PDE4B: variants seen among roughly 807,000 people sequenced by gnomAD.
The protein encoded by PDE4B is phosphodiesterase 4B.
A neutral mutation model predicts 82.2 loss-of-function variants in PDE4B; 20 were observed. The ratio of observed to expected loss-of-function variants is 0.24; its 90% CI spans 0.17 to 0.35. PDE4B has a LOEUF of 0.35. Among genes scored for constraint, PDE4B ranks in the 10% least tolerant of loss-of-function variants. The pLI is 1.00. For missense variants in PDE4B, 655 were observed against 907.2 expected (o/e 0.72, Z 3.57); for synonymous variants, 320 against 318.9 (o/e 1.00, Z -0.04).
intron 3 of PDE4B, among the ~76,000 whole-genome samples, chr1:66,016,354 G>C (rs939791431): frequency 6.6e-6 from 1 of 152,114 alleles, no homozygotes; most frequent in Non-Finnish European, 1.5e-5. Flanking sequence ...TCATTTGTTT[G>C]ATAAATATAT....
At chr1:66,214,050 A>G (rs1650265451) in intron 3 of PDE4B, among the ~76,000 whole-genome samples, 1 of 152,188 alleles carries the variant, frequency 6.6e-6, no homozygotes, top group South Asian at 2.1e-4. Flanking sequence ...CAAAAAGATG[A>G]GACATCAGGC....
intron 1 of PDE4B, among the ~76,000 whole-genome samples, chr1:65,906,416 T>C (rs1647028889): frequency 6.6e-6 from 1 of 152,156 alleles, no homozygotes; most frequent in African/African-American, 2.4e-5. Flanking sequence ...ATTTTTTTGT[T>C]CTTTTCCTTT....
chr1:66,231,850 C>A (rs936508458), intron 3 of PDE4B, among the ~76,000 whole-genome samples: 1 of 152,138 alleles, frequency 6.6e-6, no homozygotes, highest in Non-Finnish European at 1.5e-5. Context: ...AAGCCTATCA[C>A]GGTGATTCAG....
intron 3 of PDE4B, among the ~76,000 whole-genome samples, chr1:66,068,628 A>G (rs1442126096): frequency 1.3e-5 from 2 of 151,986 alleles, no homozygotes; most frequent in Non-Finnish European, 2.9e-5. Flanking sequence ...ACTTTGAACA[A>G]TTGCAGATGA....
At chr1:65,948,047 C>A (rs887364948) in intron 3 of PDE4B, among the ~76,000 whole-genome samples, 2 of 149,404 alleles carry the variant, frequency 1.3e-5, no homozygotes, top group South Asian at 2.1e-4. Context: ...TCATTATCCT[C>A]GTGGAAGTGT....
intron 1 of PDE4B, among the ~76,000 whole-genome samples, chr1:65,878,737 C>G (rs953000096): frequency 1.3e-5 from 2 of 151,394 alleles, no homozygotes; most frequent in African/African-American, 2.4e-5. Flanking sequence ...GTTGGGGAGT[C>G]GGGGGAAAGG....
chr1:66,153,543 A>G (rs1646444513), intron 3 of PDE4B, among the ~76,000 whole-genome samples: 1 of 152,020 alleles, frequency 6.6e-6, no homozygotes, highest in Non-Finnish European at 1.5e-5. Context: ...AAGGGTATAG[A>G]GCTTCCATTC....
Position 66,108,649 on chromosome 1 carries a change from C to T in PDE4B, c.282-138811C>T, listed in dbSNP as rs77837181. 7.7e-3 allele frequency among the ~76,000 whole-genome samples: 1,148 copies of T among 150,038 alleles called. 10 individuals are homozygous for T. The highest frequency in any genetic ancestry group is 0.014 in the Non-Finnish European group (913 of 67,490). ...TGGGCAAAGGACTTGAAAAGACATA[C>T]GAATGGCCAACAGGTTCATGAAAAA... On this transcript the variant is annotated intron_variant, in intron 3 of 16. Coordinates refer to ENST00000341517, the MANE Select transcript of PDE4B (RefSeq NM_002600.4).
rs191046606 is a variant in PDE4B, at chr1:65,887,459, C to T, written c.-70-25786C>T. 3.2e-5 allele frequency among the ~76,000 whole-genome samples: 3 copies of T among 93,000 alleles called. No homozygotes were observed. The East Asian group carries it at 9.9e-4, about 31-fold the overall frequency. The allele number at this position is 93,000 out of a possible 152,430, so 61.0% of individuals were successfully genotyped here. A position where few individuals can be genotyped will look rare whatever the true frequency, so the allele number is the denominator to read the frequency against. On this transcript the variant is annotated intron_variant, in intron 1 of 16. Transcript: ENST00000341517. ...TTTTTACAGGGTCTCACTCTTTCAC[C>T]CTGGCTGGAGTACAGTGGTGCAATC...
rs1004693993 is a variant in PDE4B at position 66,041,764 on chromosome 1, G to C, written c.281+122929G>C. Among the ~76,000 whole-genome samples the C allele has an allele frequency of 2.0e-5, 3 of 150,644 alleles. No individual in the cohort carries two copies. In the Admixed American group the frequency reaches 2.0e-4, roughly 10 times the overall value. ...TCTCTTTCTGGGTCATGAATAACTT[G>C]AGGAGGAAGAATCTATTTTACTTTT... is the stretch of plus-strand genomic sequence containing the variant. On this transcript the variant is annotated intron_variant, in intron 3 of 16. Transcript: ENST00000341517.
chr1:65,941,961 C>T (rs1347518116), intron 3 of PDE4B, among the ~76,000 whole-genome samples: 1 of 152,104 alleles, frequency 6.6e-6, no homozygotes, highest in Non-Finnish European at 1.5e-5. Flanking sequence ...TCTCTGCTTC[C>T]ACTTTGTCCC....
intron 3 of PDE4B, among the ~76,000 whole-genome samples, chr1:66,053,713 G>T (rs760061858): frequency 6.6e-6 from 1 of 152,074 alleles, no homozygotes; most frequent in Non-Finnish European, 1.5e-5. Flanking sequence ...CAAAAAATTG[G>T]CCGGGGGTGG....
chr1:66,293,587 T>A (rs958095922), intron 7 of PDE4B, among the ~76,000 whole-genome samples: 1 of 152,178 alleles, frequency 6.6e-6, no homozygotes, highest in Admixed American at 6.5e-5. Flanking sequence ...CATCAGTGAT[T>A]CCCAAGTTAG....
At chr1:66,304,337 G>A (rs900155535) in intron 7 of PDE4B, among the ~76,000 whole-genome samples, 1 of 152,010 alleles carries the variant, frequency 6.6e-6, no homozygotes, top group African/African-American at 2.4e-5. Context: ...ACTAAGAAGT[G>A]GACCACCATG....
intron 3 of PDE4B, among the ~76,000 whole-genome samples, chr1:66,051,617 T>C (rs1655033091): frequency 6.6e-6 from 1 of 152,124 alleles, no homozygotes; most frequent in African/African-American, 2.4e-5. Flanking sequence ...TATAATTAGA[T>C]GACAGTTTAC....
chr1:65,999,275 C>G (rs7548579), intron 3 of PDE4B, among the ~76,000 whole-genome samples: 25,390 of 152,172 alleles, frequency 0.17, 2,765 homozygotes, highest in Non-Finnish European at 0.24. Context: ...TGTCAATGCA[C>G]TTGCAACATT....
At chr1:66,088,290 A>G (rs1323263163) in intron 3 of PDE4B, among the ~76,000 whole-genome samples, 1 of 152,008 alleles carries the variant, frequency 6.6e-6, no homozygotes, top group African/African-American at 2.4e-5. Context: ...AAGGACAGGA[A>G]GTTAGTAAGT....
At chr1:65,971,677 A>G (rs1650147990) in intron 3 of PDE4B, among the ~76,000 whole-genome samples, 1 of 152,218 alleles carries the variant, frequency 6.6e-6, no homozygotes, top group Non-Finnish European at 1.5e-5. Flanking sequence ...CCGAAGTAGA[A>G]TATGATAGTC....
chr1:66,117,692 C>A (rs929046481), intron 3 of PDE4B, among the ~76,000 whole-genome samples: 16 of 152,154 alleles, frequency 1.1e-4, no homozygotes, highest in African/African-American at 3.9e-4. Context: ...GGGATCCTGG[C>A]AGTCCACGGA....
Sources: gnomAD v4.1 joint callset for allele counts (sites outside exome capture counted in the v4.1 genomes callset) on GRCh38, gnomAD v4.1.1 for gene constraint, MANE v1.5 for transcripts, NCBI Gene and HGNC (gene_info 2026-07-23, HGNC 2026-07-21) for gene names.